The following PHACTR1 variants were observed in gnomAD, a reference collection of about 807,000 sequenced individuals.
The protein encoded by PHACTR1 is RPEL repeat containing 1.
A neutral mutation model predicts 69.2 loss-of-function variants in PHACTR1; 16 were observed. That is an observed-to-expected ratio of 0.23 (90% CI 0.16 to 0.35). The LOEUF is 0.35. Ranked by LOEUF, PHACTR1 falls within the 10% of genes least tolerant of loss-of-function variation. The pLI, the probability that PHACTR1 is intolerant of heterozygous loss-of-function variation, is 1.00. For synonymous variants in PHACTR1, 312 were observed against 284.5 expected (o/e 1.10, Z -0.97); for missense variants, 510 against 734.7 (o/e 0.69, Z 3.54).
intron 4 of PHACTR1, among the ~76,000 whole-genome samples, chr6:12,880,965 G>C (rs1197245745): frequency 6.6e-6 from 1 of 151,886 alleles, no homozygotes; most frequent in Admixed American, 6.6e-5. Flanking sequence ...AAATGGCGTA[G>C]TGAAGGTCAT....
intron 4 of PHACTR1, among the ~76,000 whole-genome samples, chr6:12,940,312 T>A (rs1361830620): frequency 6.6e-6 from 1 of 152,240 alleles, no homozygotes; most frequent in Non-Finnish European, 1.5e-5. Context: ...GCTTTTCAGC[T>A]TTTTGTGTTA....
chr6:13,231,101 A>G lies in PHACTR1; in HGVS notation c.1391+908A>G, dbSNP rs866900466. Among the ~76,000 whole-genome samples the G allele has an allele frequency of 4.3e-5, 3 of 70,420 alleles. 1 individual carries two copies. Among genetic ancestry groups the G allele is most frequent in the African/African-American group, 1.7e-4 (3 of 17,622 alleles). 46.2% of individuals were successfully genotyped at this position (70,420 alleles called of 152,430 possible). ...GAAGGAAGGAAGAAGGAAGGAAGGG[A>G]AAAGAAAGAAGGAAAGAGAGAAAGA... On this transcript the variant is annotated intron_variant, in intron 10 of 14. Transcript: ENST00000332995.
At chr6:12,777,036 A>G (rs1227164055) in intron 4 of PHACTR1, among the ~76,000 whole-genome samples, 2 of 152,152 alleles carry the variant, frequency 1.3e-5, no homozygotes, top group Admixed American at 6.5e-5. Context: ...GAAATTTTCA[A>G]TTGTCCCACA....
intron 4 of PHACTR1, among the ~76,000 whole-genome samples, chr6:12,788,806 C>A (rs6458460): frequency 0.45 from 68,553 of 151,934 alleles, 16,382 homozygotes; most frequent in African/African-American, 0.59. Context: ...GTAAGAGAAC[C>A]CTAAAGTAAC....
intron 4 of PHACTR1, among the ~76,000 whole-genome samples, chr6:12,754,053 C>T (rs1227323882): frequency 1.3e-5 from 2 of 149,796 alleles, no homozygotes; most frequent in Admixed American, 1.3e-4. Context: ...AGTTCCGCTT[C>T]CCAGGTTCAT....
chr6:13,190,844 A>G (rs1269085822), intron 7 of PHACTR1, among the ~76,000 whole-genome samples: 3 of 135,634 alleles, frequency 2.2e-5, no homozygotes, highest in African/African-American at 5.0e-5. Context: ...GCTCATTTCA[A>G]TGTTACCAAA....
In PHACTR1 at chr6:13,287,124, T is replaced by G. The variant is rs186017527; in HGVS notation, c.*46T>G. The G allele has an allele frequency of 1.3e-3, 1,944 of 1,552,168 alleles. 5 individuals are homozygous for G. The highest frequency in any genetic ancestry group is 1.6e-3 in the Non-Finnish European group (1,782 of 1,135,228). On this transcript the variant is annotated 3_prime_UTR_variant, in exon 15 of 15. Coordinates refer to ENST00000332995, the MANE Select transcript of PHACTR1 (RefSeq NM_030948.6). The stretch of plus-strand genomic sequence containing the variant: ...GCTATGCTGTCTTCAAAACATAAAT[T>G]TATAAGAACCATAAGTGCTGGTATT...
intron 8 of PHACTR1, 24 bp downstream of exon 8, chr6:13,206,160 G>A: frequency 1.3e-6 from 2 of 1,530,976 alleles, no homozygotes; most frequent in Non-Finnish European, 1.8e-6. Context: ...CCAGGAGGGA[G>A]GACGGGAGGA....
At chr6:13,124,720 C>T (rs1819252171) in intron 5 of PHACTR1, among the ~76,000 whole-genome samples, 1 of 152,158 alleles carries the variant, frequency 6.6e-6, no homozygotes, top group Non-Finnish European at 1.5e-5. Flanking sequence ...ATAAGGGTGC[C>T]CGCATGGTGG....
At chr6:13,093,424 T>G (rs1813613763) in intron 5 of PHACTR1, among the ~76,000 whole-genome samples, 3 of 152,196 alleles carry the variant, frequency 2.0e-5, no homozygotes, top group Admixed American at 6.5e-5. Context: ...TCATTCCGAT[T>G]ATTAGAAACA....
chr6:13,215,944 A>G (rs1767606352), intron 8 of PHACTR1, among the ~76,000 whole-genome samples: 1 of 152,142 alleles, frequency 6.6e-6, no homozygotes, highest in Admixed American at 6.5e-5. Flanking sequence ...CATGCCAAGC[A>G]TTGTGATAGG....
intron 4 of PHACTR1, among the ~76,000 whole-genome samples, chr6:12,998,618 A>G (rs1359979518): frequency 6.6e-6 from 1 of 151,642 alleles, no homozygotes; most frequent in African/African-American, 2.4e-5. Flanking sequence ...CTGGTCAAAA[A>G]AAAAAAAAAG....
At chr6:13,088,335 C>T (rs2127819727) in intron 5 of PHACTR1, among the ~76,000 whole-genome samples, 2 of 139,848 alleles carry the variant, frequency 1.4e-5, no homozygotes, top group South Asian at 2.1e-4. Flanking sequence ...AAAAAAAAAC[C>T]CTCAGTACTC....
intron 5 of PHACTR1, among the ~76,000 whole-genome samples, chr6:13,100,682 T>C (rs1815012887): frequency 1.3e-5 from 2 of 152,344 alleles, no homozygotes; most frequent in Middle Eastern, 3.4e-3. Flanking sequence ...TTATTAACTT[T>C]AGGAAATCCT....
intron 4 of PHACTR1, among the ~76,000 whole-genome samples, chr6:13,016,557 G>C (rs902690587): frequency 6.6e-6 from 1 of 151,426 alleles, no homozygotes; most frequent in Non-Finnish European, 1.5e-5. Flanking sequence ...AACTTTAAAG[G>C]ATAAAATATG....
intron 4 of PHACTR1, among the ~76,000 whole-genome samples, chr6:12,771,730 T>C (rs904672801): frequency 6.6e-6 from 1 of 152,122 alleles, no homozygotes; most frequent in Non-Finnish European, 1.5e-5. Flanking sequence ...TTAAGGAAGC[T>C]CTATGCTAGG....
At chr6:12,958,459 A>G (rs1289137772) in intron 4 of PHACTR1, among the ~76,000 whole-genome samples, 1 of 152,198 alleles carries the variant, frequency 6.6e-6, no homozygotes, top group Non-Finnish European at 1.5e-5. Context: ...CTGAAGAAAA[A>G]GGAAAGACGA....
chr6:12,816,074 CA>C (rs1158719759), intron 4 of PHACTR1, among the ~76,000 whole-genome samples: 1 of 152,184 alleles, frequency 6.6e-6, no homozygotes, highest in African/African-American at 2.4e-5. Flanking sequence ...AACAGTTGCA[CA>C]ATATTACCAG....
chr6:12,791,087 A>G (rs1448210536), intron 4 of PHACTR1, among the ~76,000 whole-genome samples: 1 of 152,220 alleles, frequency 6.6e-6, no homozygotes, highest in East Asian at 1.9e-4. Flanking sequence ...GGGAGGTGGC[A>G]GGATAAGGAC....
Sources: allele counts gnomAD v4.1 joint callset (sites outside exome capture counted in the v4.1 genomes callset), GRCh38; gene constraint gnomAD v4.1.1; transcripts MANE v1.5; gene names NCBI Gene and HGNC (gene_info 2026-07-23, HGNC 2026-07-21).